UBA1: variants seen among roughly 807,000 people sequenced by gnomAD.
UBA1 encodes ubiquitin like modifier activating enzyme 1.
A neutral mutation model predicts 84.7 loss-of-function variants in UBA1; 4 were observed. The observed-to-expected ratio is 0.05, with a 90% confidence interval of 0.02 to 0.11. The LOEUF (loss-of-function observed/expected upper bound fraction) is 0.11, where lower values mean the gene tolerates loss of function less well. Among genes scored for constraint, UBA1 ranks in the 10% least tolerant of loss-of-function variants. The pLI, the probability that UBA1 is intolerant of heterozygous loss-of-function variation, is 1.00. For synonymous variants in UBA1, 364 were observed against 362.6 expected, an observed-to-expected ratio of 1.00 and a Z score of -0.04; for missense variants, 513 against 902.8, an observed-to-expected ratio of 0.57 and a Z score of 5.53.
chrX:47,212,715 A>G, intron 21 of UBA1, 56 bp from the exon 22 acceptor site: 1 of 1,061,707 alleles, frequency 9.4e-7, no homozygotes. Flanking sequence ...GAGGATACAC[A>G]TCTTCTTTAT....
chrX:47,202,902 G>A (rs1471066392), intron 11 of UBA1, 41 bp from the exon 12 acceptor site: 65 of 1,201,641 alleles, frequency 5.4e-5, no homozygotes, highest in Non-Finnish European at 7.2e-5. Flanking sequence ...TCAGGCCCCT[G>A]TTAACCACTG....
chrX:47,209,698 C>G lies in UBA1; in HGVS notation c.2003+11C>G. On this transcript the variant is annotated intron_variant, in intron 17 of 25. Coordinates refer to ENST00000335972, the MANE Select transcript of UBA1 (RefSeq NM_003334.4). The stretch of plus-strand genomic sequence containing the variant: ...CAACCAGTACCTCACGTGAGTAACT[C>G]GAGTGCCCTCTCGCCCTGTCCCTGT... 8.3e-7 allele frequency: 1 copy of G among 1,208,942 alleles called. No homozygotes were observed. The highest frequency in any genetic ancestry group is 1.8e-5 in the South Asian group (1 of 56,885).
At chrX:47,205,509 T>A (rs1556790468) in intron 14 of UBA1, 2 of 346,768 alleles carry the variant, frequency 5.8e-6, no homozygotes, top group Non-Finnish European at 1.2e-5. Context: ...GCTAGCCTCC[T>A]AACTCAGGGC....
In UBA1 at chrX:47,200,899, G is replaced by C; in HGVS notation, c.486G>C (p.Val162=). The C allele has an allele frequency of 5.0e-6, 6 of 1,192,691 alleles. No individual in the cohort carries two copies. The highest frequency in any genetic ancestry group is 6.8e-6 in the Non-Finnish European group (6 of 885,277). The change falls in exon 6 of 26, where the codon GTG becomes GTC. Residue 162 remains valine, a synonymous_variant. Transcript: ENST00000335972. ...VEDFLSGFQV[V]VLTNTPLEDQ... ...GAGCCTCCATCTCTCCACAGGTGGTGGTGCTCACCAACACCCCCCTGGAGG... is the reference window on the plus strand; with the variant it reads ...GAGCCTCCATCTCTCCACAGGTGGTCGTGCTCACCAACACCCCCCTGGAGG...
intron 13 of UBA1, 145 bp from the exon 14 acceptor site, chrX:47,203,396 G>A (rs1220575915): frequency 4.8e-6 from 4 of 837,744 alleles, no homozygotes; most frequent in East Asian, 3.3e-5. Context: ...ACATGACTGC[G>A]TGTCATTTCT....
At chrX:47,204,511 C>T (rs1202166120) in intron 14 of UBA1, among the ~76,000 whole-genome samples, 4 of 111,625 alleles carry the variant, frequency 3.6e-5, no homozygotes, top group Non-Finnish European at 5.6e-5. Flanking sequence ...TGGGGCTGGT[C>T]ATGTAGGCGC....
At chrX:47,203,755 T>TC (rs1936519016) in intron 14 of UBA1, 59 bp downstream of exon 14, 3 of 1,125,206 alleles carry the variant, frequency 2.7e-6, no homozygotes, top group East Asian at 3.0e-5. Flanking sequence ...TTCTTTTTTT[T>TC]TTTTTTTTTG....
chrX:47,201,241 G>A, intron 6 of UBA1, 35 bp from the exon 7 acceptor site: 2 of 1,158,578 alleles, frequency 1.7e-6, no homozygotes, highest in South Asian at 3.7e-5. Flanking sequence ...ATGTGCATGG[G>A]ACACAGGCAC....
At chrX:47,196,870 C>G (rs1266736366) in intron 1 of UBA1, among the ~76,000 whole-genome samples, 12 of 112,003 alleles carry the variant, frequency 1.1e-4, no homozygotes, top group African/African-American at 3.9e-4. Flanking sequence ...GAGGCCACTA[C>G]ACGTGCCCAG....
intron 1 of UBA1, among the ~76,000 whole-genome samples, chrX:47,196,440 C>T (rs782406504): frequency 1.8e-5 from 2 of 111,942 alleles, no homozygotes; most frequent in Admixed American, 9.5e-5. Context: ...AGAATGCTTA[C>T]GCTTGAAAAT....
chrX:47,205,375 G>T, intron 14 of UBA1: 1 of 334,218 alleles, frequency 3.0e-6, no homozygotes, highest in Non-Finnish European at 6.1e-6. Flanking sequence ...GGTGTTAGAC[G>T]AAAGAACAGA....
intron 1 of UBA1, among the ~76,000 whole-genome samples, chrX:47,195,221 C>T (rs1234695822): frequency 9.0e-6 from 1 of 111,416 alleles, no homozygotes; most frequent in East Asian, 2.8e-4. Flanking sequence ...GATGTCCCTT[C>T]CCCCCACAGG....
At chrX:47,205,698 A>G in intron 14 of UBA1, 1 of 421,137 alleles carries the variant, frequency 2.4e-6, no homozygotes, top group South Asian at 3.3e-5. Flanking sequence ...TACCAAAAAT[A>G]CAAAAATTAG....
intron 19 of UBA1, 52 bp from the exon 20 acceptor site, chrX:47,210,984 T>C: frequency 8.3e-7 from 1 of 1,208,219 alleles, no homozygotes; most frequent in Non-Finnish European, 1.1e-6. Context: ...AGGTGGCGGC[T>C]CCCCACTCGA....
In UBA1 at chrX:47,201,332, A is replaced by C; in HGVS notation, c.644A>C (p.Gln215Pro). 1 of 1,210,552 alleles carries C rather than the reference A, an allele frequency of 8.3e-7. No homozygotes were observed. The highest frequency in any genetic ancestry group is 1.1e-6 in the Non-Finnish European group (1 of 894,859). ...EMILTDSNGE[Q>P]PLSAMVSMVT... Reference sequence around the variant, plus strand: ...ATCCTCACAGATTCCAATGGGGAGCAGCCACTCAGTGCTATGGTTTCTATG... The same window carrying C: ...ATCCTCACAGATTCCAATGGGGAGCCGCCACTCAGTGCTATGGTTTCTATG... Residue 215 changes from glutamine to proline, a missense_variant, in exon 7 of 26, where the codon CAG (glutamine) becomes CCG (proline). Gln to Pro is a moderately conservative substitution (Grantham distance 76). Around this residue, in one of 6 missense-constraint regions of UBA1, gnomAD observed 227 missense variants for 339.1 expected, o/e 0.67. Coordinates refer to ENST00000335972, the MANE Select transcript of UBA1 (RefSeq NM_003334.4).
rs1556791071 is a variant in UBA1, at chrX:47,206,298, T to G, written c.1792T>G (p.Ser598Ala). 8.3e-7 allele frequency: 1 copy of G among 1,209,822 alleles called. No homozygotes were observed. The highest frequency in any genetic ancestry group is 1.1e-6 in the Non-Finnish European group (1 of 894,613). ...CVYYRKPLLE[S>A]GTLGTKGNVQ... ...CTACTACCGGAAGCCACTGCTGGAG[T>G]CAGGCACACTGGGCACCAAAGGCAA... is the stretch of plus-strand genomic sequence containing the variant. Residue 598 changes from serine (S) to alanine (A), a missense_variant, in exon 16 of 26, where the codon TCA (serine) becomes GCA (alanine). Around this residue, in one of 6 missense-constraint regions of UBA1, gnomAD observed 40 missense variants for 138.3 expected, o/e 0.29. Coordinates refer to ENST00000335972, the MANE Select transcript of UBA1 (RefSeq NM_003334.4).
chrX:47,202,549 G>A (rs1569210168), intron 10 of UBA1, 45 bp downstream of exon 10: 1 of 1,203,809 alleles, frequency 8.3e-7, no homozygotes, highest in South Asian at 1.8e-5. Context: ...GCCTGGCACT[G>A]CAGGCTCACC....
Position 47,214,933 on chromosome X carries a change from C to T in UBA1, c.*4C>T, listed in dbSNP as rs376011276. 23 of 1,208,034 alleles carry T rather than the reference C, an allele frequency of 1.9e-5. No homozygotes were observed. In the African/African-American group the frequency reaches 3.7e-4, roughly 19 times the overall value. On this transcript the variant is annotated 3_prime_UTR_variant, in exon 26 of 26. Transcript: ENST00000335972. ...TGTCCGATACACCATCCGCTGACCC[C>T]GTCTGCTCCTCTAGGCTGGCCCCTT...
intron 14 of UBA1, chrX:47,205,601 G>A: frequency 5.6e-6 from 2 of 357,996 alleles, no homozygotes; most frequent in Non-Finnish European, 1.1e-5. Flanking sequence ...GGTGGCTCAC[G>A]CCTGTAATCC....
Sources: allele counts gnomAD v4.1 joint callset (sites outside exome capture counted in the v4.1 genomes callset), GRCh38; gene constraint gnomAD v4.1.1; regional missense constraint gnomAD v4.1.1; transcripts MANE v1.5; gene names NCBI Gene and HGNC (gene_info 2026-07-23, HGNC 2026-07-21).